Variants in WIF1 observed in about 807,000 individuals in gnomAD.
The protein encoded by WIF1 is Wnt inhibitory factor 1.
In WIF1, 35 loss-of-function variants were observed where a neutral mutation model predicts 53.5. The ratio of observed to expected loss-of-function variants is 0.65; its 90% CI spans 0.50 to 0.87. WIF1 has a LOEUF of 0.87. WIF1 is among the 40% of genes least tolerant of loss of function. The pLI is 0.00. For missense variants in WIF1, 467 were observed against 476.8 expected, an observed-to-expected ratio of 0.98 and a Z score of 0.19; for synonymous variants, 171 against 170.4, an observed-to-expected ratio of 1.00 and a Z score of -0.03.
chr12:65,064,019 GCCT>G (rs2136613037), intron 6 of WIF1, among the ~76,000 whole-genome samples: 1 of 152,304 alleles, frequency 6.6e-6, no homozygotes, highest in African/African-American at 2.4e-5. Flanking sequence ...AGCTCTTGGG[GCCT>G]CCTCTTTGCT....
intron 2 of WIF1, among the ~76,000 whole-genome samples, chr12:65,115,710 A>C (rs1883498775): frequency 6.6e-6 from 1 of 152,238 alleles, no homozygotes; most frequent in Non-Finnish European, 1.5e-5. Context: ...AAGCCTTGAG[A>C]GGAGGCATGT....
At chr12:65,097,143 G>C (rs1427810357) in intron 2 of WIF1, among the ~76,000 whole-genome samples, 1 of 151,182 alleles carries the variant, frequency 6.6e-6, no homozygotes, top group Non-Finnish European at 1.5e-5. Flanking sequence ...TGAAAACTGG[G>C]CCTCTTTTAT....
intron 6 of WIF1, among the ~76,000 whole-genome samples, chr12:65,062,933 T>G (rs753862139): frequency 6.6e-6 from 1 of 152,050 alleles, no homozygotes; most frequent in Non-Finnish European, 1.5e-5. Context: ...AACATCAGTT[T>G]AGAGGATAAG....
intron 6 of WIF1, among the ~76,000 whole-genome samples, chr12:65,065,126 A>G (rs1882668827): frequency 6.6e-6 from 1 of 152,198 alleles, no homozygotes; most frequent in Non-Finnish European, 1.5e-5. Flanking sequence ...TTTTAATCCA[A>G]TACTATAGTT....
intron 3 of WIF1, among the ~76,000 whole-genome samples, chr12:65,073,696 A>G (rs548080523): frequency 6.6e-6 from 1 of 152,310 alleles, no homozygotes; most frequent in East Asian, 1.9e-4. Context: ...GCTTAAGAGC[A>G]AAGACACACT....
At chr12:65,077,901 G>C (rs1403024591) in intron 2 of WIF1, 47 bp from the exon 3 acceptor site, 1 of 1,422,362 alleles carries the variant, frequency 7.0e-7, no homozygotes, top group Non-Finnish European at 9.9e-7. Context: ...ACCAGAGAGG[G>C]AGAAGGCACC....
chr12:65,094,898 CTTCTTATTTATTTAT>C, intron 2 of WIF1, among the ~76,000 whole-genome samples: 1 of 144,012 alleles, frequency 6.9e-6, no homozygotes, highest in Admixed American at 7.0e-5. Flanking sequence ...CCTTCCTCTT[CTTCTTATTTATTTAT>C]TTATTTATTT....
intron 2 of WIF1, among the ~76,000 whole-genome samples, chr12:65,086,159 A>T (rs1359084442): frequency 5.9e-5 from 9 of 151,862 alleles, no homozygotes; most frequent in African/African-American, 2.2e-4. Context: ...TGAAAAAAAA[A>T]AGGTATTGGT....
rs1882862628 is a variant in WIF1, at chr12:65,076,478, C to T, written c.397+1268G>A. On this transcript the variant is annotated intron_variant, in intron 3 of 9. Coordinates refer to ENST00000286574, the MANE Select transcript of WIF1 (RefSeq NM_007191.5). ...ATAACCTTTACAGAAAGTAATTTGG[C>T]ATTTTGGCAATTTGTTTTAAGAGTC... 2.0e-5 allele frequency among the ~76,000 whole-genome samples: 3 copies of T among 152,166 alleles called. No individual in the cohort carries two copies. In the South Asian group the frequency reaches 6.2e-4, roughly 31 times the overall value.
At chr12:65,074,968 C>G (rs1260759639) in intron 3 of WIF1, among the ~76,000 whole-genome samples, 1 of 152,014 alleles carries the variant, frequency 6.6e-6, no homozygotes, top group African/African-American at 2.4e-5. Context: ...TAATAAAGCC[C>G]TACCAATGCC....
Position 65,051,247 on chromosome 12 carries a change from A to G in WIF1, c.*102T>C. On this transcript the variant is annotated 3_prime_UTR_variant, in exon 10 of 10. Transcript: ENST00000286574. Reference sequence around the variant, plus strand: ...TAATGAAGCTAATAAAATTCAGGCCAGTATTCTTAAGTGTAATGAACATTA... The same window carrying G: ...TAATGAAGCTAATAAAATTCAGGCCGGTATTCTTAAGTGTAATGAACATTA... 4 of 1,404,556 alleles carry G rather than the reference A, an allele frequency of 2.8e-6. No individual in the cohort carries two copies. 87.0% of individuals were successfully genotyped at this position (1,404,556 alleles called of 1,614,324 possible). A position where few individuals can be genotyped will look rare whatever the true frequency, so the allele number is the denominator to read the frequency against.
intron 8 of WIF1, 36 bp from the exon 9 acceptor site, chr12:65,055,249 G>A (rs1420343980): frequency 6.3e-7 from 1 of 1,596,358 alleles, no homozygotes; most frequent in Admixed American, 1.8e-5. Flanking sequence ...TATTTCCTGA[G>A]CTTTCCTTTT....
intron 7 of WIF1, among the ~76,000 whole-genome samples, chr12:65,061,301 A>G (rs1267911005): frequency 1.3e-5 from 2 of 152,230 alleles, no homozygotes; most frequent in Non-Finnish European, 2.9e-5. Context: ...CTTTCAATCT[A>G]CAATACACTA....
chr12:65,089,082 A>G (rs1883085156), intron 2 of WIF1, among the ~76,000 whole-genome samples: 1 of 152,000 alleles, frequency 6.6e-6, no homozygotes, highest in Admixed American at 6.6e-5. Flanking sequence ...CAAGATTTTT[A>G]TCTCCAGTTT....
chr12:65,096,327 G>C (rs1592399820), intron 2 of WIF1, among the ~76,000 whole-genome samples: 2 of 152,074 alleles, frequency 1.3e-5, no homozygotes. Context: ...ACCATCTCAT[G>C]CCAGTTAGAA....
intron 3 of WIF1, among the ~76,000 whole-genome samples, chr12:65,070,650 G>A (rs1327586523): frequency 6.6e-6 from 1 of 152,074 alleles, no homozygotes; most frequent in African/African-American, 2.4e-5. Context: ...CTTCCTCACT[G>A]GACGCCATCA....
intron 2 of WIF1, among the ~76,000 whole-genome samples, chr12:65,095,423 C>T (rs1883189062): frequency 6.6e-6 from 1 of 152,264 alleles, no homozygotes; most frequent in South Asian, 2.1e-4. Context: ...GAAATACTCA[C>T]AATACATTCA....
intron 2 of WIF1, 76 bp from the exon 3 acceptor site, chr12:65,077,930 C>T (rs1234241586): frequency 8.2e-6 from 9 of 1,104,216 alleles, no homozygotes; most frequent in Non-Finnish European, 1.2e-5. Context: ...CATCGTCCAT[C>T]TGATGGGGCA....
chr12:65,072,395 T>C (rs1300884552), intron 3 of WIF1, among the ~76,000 whole-genome samples: 3 of 152,222 alleles, frequency 2.0e-5, no homozygotes, highest in Admixed American at 6.5e-5. Flanking sequence ...CAAACACCTA[T>C]ATATATTATT....
Sources: allele counts gnomAD v4.1 joint callset (sites outside exome capture counted in the v4.1 genomes callset), GRCh38; gene constraint gnomAD v4.1.1; transcripts MANE v1.5; gene names NCBI Gene and HGNC (gene_info 2026-07-23, HGNC 2026-07-21).